TP53BP1: variants seen among roughly 807,000 people sequenced by gnomAD.
TP53BP1 encodes tumor protein p53 binding protein 1, also known as TP53-binding protein 1.
In TP53BP1, 61 loss-of-function variants were observed where a neutral mutation model predicts 200.8. The observed-to-expected ratio is 0.30, with a 90% confidence interval of 0.25 to 0.38. The LOEUF (loss-of-function observed/expected upper bound fraction) is 0.38. Among genes scored for constraint, TP53BP1 ranks in the 10% least tolerant of loss-of-function variants. TP53BP1 has a pLI of 1.00. For synonymous variants in TP53BP1, 822 were observed against 844.3 expected (o/e 0.97, Z 0.46); for missense variants, 2,144 against 2,371.9 (o/e 0.90, Z 2.00).
rs34555611 is a variant in TP53BP1, at chr15:43,453,193, C to CAAAAAA, written c.2716+2693_2716+2698dup. ...TGGGCGAAAAAGTGAGACTCCGTCT[C>CAAAAAA]AAAAAAAAAAAAAAAAAAAAAAAAA... On this transcript the variant is annotated intron_variant, in intron 12 of 27. Transcript: ENST00000382044. Among the ~76,000 whole-genome samples, 135 of 41,406 alleles carry CAAAAAA rather than the reference C, an allele frequency of 3.3e-3. 10 individuals carry two copies. Among genetic ancestry groups the CAAAAAA allele is most frequent in the African/African-American group, 0.012 (133 of 11,048 alleles). The allele number at this position is 41,406 out of a possible 152,430, so 27.2% of individuals were successfully genotyped here. A position where few individuals can be genotyped will look rare whatever the true frequency, so the allele number is the denominator to read the frequency against.
Position 43,409,100 on chromosome 15 carries a change from CAAGAA to C in TP53BP1, c.5401-9_5401-5del, listed in dbSNP as rs746714412. 1.2e-6 allele frequency: 2 copies of C among 1,614,018 alleles called. No homozygotes were observed. The highest frequency in any genetic ancestry group is 4.5e-5 in the East Asian group (2 of 44,878). On this transcript the variant is annotated splice_region_variant and splice_polypyrimidine_tract_variant and intron_variant, in intron 25 of 27. Coordinates refer to ENST00000382044, the MANE Select transcript of TP53BP1 (RefSeq NM_001141980.3). Reference sequence around the variant, plus strand: ...GACACTGGTAAGCTGTGTTACACTGCAAGAAAAGAAGCAGAGCCAATGGGTTTGGT... The same window carrying C: ...GACACTGGTAAGCTGTGTTACACTGCAAGAAGCAGAGCCAATGGGTTTGGT...
intron 23 of TP53BP1, 105 bp downstream of exon 23, chr15:43,415,489 C>T (rs749613745): frequency 8.1e-6 from 10 of 1,234,416 alleles, no homozygotes; most frequent in Non-Finnish European, 1.2e-5. Context: ...GACTTTATAG[C>T]AGGACAGAAG....
At position 43,493,131 on chromosome 15, in the gene TP53BP1, C is replaced by G. The variant is rs1026535530; in HGVS notation, c.-88G>C. The stretch of plus-strand genomic sequence containing the variant: ...ATCGATCCCTAGGTCGCCGCTGTCG[C>G]CACCGCCGCCACCGGCCGCGAACTC... On this transcript the variant is annotated 5_prime_UTR_variant, in exon 1 of 28. Coordinates refer to ENST00000382044, the MANE Select transcript of TP53BP1 (RefSeq NM_001141980.3). 4.2e-5 allele frequency: 67 copies of G among 1,582,710 alleles called. No homozygotes were observed. Among genetic ancestry groups the G allele is most frequent in the Non-Finnish European group, 5.7e-5 (67 of 1,169,338 alleles).
Position 43,404,635 on chromosome 15 carries a change from C to A in TP53BP1, c.*2748G>T. ...GTAGAATTCTAGAACTGGAAGAAGA[C>A]TTTAGTCCAAATACCCTCATTTTAT... On this transcript the variant is annotated 3_prime_UTR_variant, in exon 28 of 28. Transcript: ENST00000382044. 1 of 1,462,944 alleles carries A rather than the reference C, an allele frequency of 6.8e-7. No individual in the cohort carries two copies. Among genetic ancestry groups the A allele is most frequent in the Non-Finnish European group, 9.4e-7 (1 of 1,067,798 alleles). The allele number at this position is 1,462,944 out of a possible 1,614,324, so 90.6% of individuals were successfully genotyped here. A position where few individuals can be genotyped will look rare whatever the true frequency, so the allele number is the denominator to read the frequency against.
At chr15:43,408,285 C>G (rs1028030204) in intron 26 of TP53BP1, 197 bp from the exon 27 acceptor site, 2 of 552,748 alleles carry the variant, frequency 3.6e-6, no homozygotes, top group Non-Finnish European at 6.4e-6. Context: ...CGAGACCAGC[C>G]TGGGCAATGT....
intron 9 of TP53BP1, 81 bp downstream of exon 9, chr15:43,475,484 A>T (rs183667195): frequency 1.3e-6 from 2 of 1,505,720 alleles, no homozygotes; most frequent in East Asian, 4.5e-5. Context: ...AGACTAGCAG[A>T]TAAGTTTAGC....
chr15:43,504,252 A>C (rs1414455189), intron 1 of TP53BP1, among the ~76,000 whole-genome samples: 1 of 152,182 alleles, frequency 6.6e-6, no homozygotes, highest in Non-Finnish European at 1.5e-5. Context: ...GCCTCAAGTG[A>C]TCCTCCTGCT....
rs75853796 is a variant in TP53BP1, at chr15:43,424,106, A to G, written c.3829-1980T>C. 0.023 allele frequency among the ~76,000 whole-genome samples: 3,512 copies of G among 152,286 alleles called. 262 individuals carry two copies. The East Asian group carries it at 0.24, about 10-fold the overall frequency. On this transcript the variant is annotated intron_variant, in intron 18 of 27. Transcript: ENST00000382044. ...TCTTCCCTCCATTTCTCTGCCTTCA[A>G]TGAATAAATCCTAGATATCCCCAGT...
chr15:43,440,109 C>G (rs1044615409), intron 15 of TP53BP1, among the ~76,000 whole-genome samples: 1 of 152,138 alleles, frequency 6.6e-6, no homozygotes, highest in Non-Finnish European at 1.5e-5. Context: ...GTCCACAGGC[C>G]TCTTTTATTT....
In TP53BP1 at chr15:43,404,269, T is replaced by C. The variant is rs765298873; in HGVS notation, c.*3114A>G. On this transcript the variant is annotated 3_prime_UTR_variant, in exon 28 of 28. Coordinates refer to ENST00000382044, the MANE Select transcript of TP53BP1 (RefSeq NM_001141980.3). ...TGGTACAAGTCATTTTAGGAACTAA[T>C]AGAAATAGGAATGTGGGAAGGCCAG... 1.9e-5 allele frequency: 17 copies of C among 902,188 alleles called. No homozygotes were observed. Among genetic ancestry groups the C allele is most frequent in the African/African-American group, 8.4e-5 (5 of 59,560 alleles). The allele number at this position is 902,188 out of a possible 1,614,324, so 55.9% of individuals were successfully genotyped here.
chr15:43,495,881 A>G (rs2079180451), upstream of TP53BP1, among the ~76,000 whole-genome samples: 2 of 152,142 alleles, frequency 1.3e-5, no homozygotes, highest in Non-Finnish European at 2.9e-5. Context: ...TGAGTGAGCC[A>G]TTTGCATTAC....
At chr15:43,415,165 C>CA (rs1165880622) in intron 23 of TP53BP1, 1 of 255,444 alleles carries the variant, frequency 3.9e-6, no homozygotes, top group East Asian at 1.0e-4. Context: ...AGAACCCACA[C>CA]AGTAGTCAAA....
intron 14 of TP53BP1, among the ~76,000 whole-genome samples, chr15:43,446,039 T>C (rs533256599): frequency 6.6e-6 from 1 of 152,322 alleles, no homozygotes; most frequent in South Asian, 2.1e-4. Flanking sequence ...CTCTTTATTC[T>C]AGCCCTACCA....
At chr15:43,434,839 T>C (rs2045753521) in intron 16 of TP53BP1, among the ~76,000 whole-genome samples, 1 of 152,214 alleles carries the variant, frequency 6.6e-6, no homozygotes, top group Admixed American at 6.5e-5. Flanking sequence ...AATACCTGAA[T>C]TGAATTTTAC....
intron 18 of TP53BP1, 106 bp from the exon 19 acceptor site, chr15:43,422,232 G>A: frequency 7.7e-7 from 1 of 1,303,184 alleles, no homozygotes; most frequent in Non-Finnish European, 1.1e-6. Flanking sequence ...AATTCAAAAA[G>A]GTGAGAATCA....
In TP53BP1 at chr15:43,404,423, G is replaced by A. The variant is rs751105275; in HGVS notation, c.*2960C>T. 11 of 1,613,972 alleles carry A rather than the reference G, an allele frequency of 6.8e-6. No individual in the cohort carries two copies. Among genetic ancestry groups the A allele is most frequent in the Non-Finnish European group, 7.6e-6 (9 of 1,179,990 alleles). Reference sequence around the variant, plus strand: ...TCCTTCTCTCTGCAGGGCTTTAGCCGCCAGTCTTCACTCCTGTTCAAGATT... The same window carrying A: ...TCCTTCTCTCTGCAGGGCTTTAGCCACCAGTCTTCACTCCTGTTCAAGATT... On this transcript the variant is annotated 3_prime_UTR_variant, in exon 28 of 28. Coordinates refer to ENST00000382044, the MANE Select transcript of TP53BP1 (RefSeq NM_001141980.3).
At chr15:43,489,603 T>C (rs2079093140) in intron 4 of TP53BP1, among the ~76,000 whole-genome samples, 1 of 152,220 alleles carries the variant, frequency 6.6e-6, no homozygotes, top group Non-Finnish European at 1.5e-5. Flanking sequence ...TGGCAAATCA[T>C]AGCACTAATG....
chr15:43,467,863 A>G (rs559499731), intron 11 of TP53BP1, among the ~76,000 whole-genome samples: 1 of 151,624 alleles, frequency 6.6e-6, no homozygotes, highest in African/African-American at 2.4e-5. Flanking sequence ...AGCTCACTGT[A>G]ACCTCTGCCT....
intron 10 of TP53BP1, 152 bp downstream of exon 10, chr15:43,474,521 T>A (rs1329391995): frequency 1.3e-5 from 6 of 477,622 alleles, no homozygotes; most frequent in African/African-American, 1.2e-4. Context: ...TTACAGTAGG[T>A]CACATCCCTA....
Sources: gnomAD v4.1 joint callset for allele counts (sites outside exome capture counted in the v4.1 genomes callset) on GRCh38, gnomAD v4.1.1 for gene constraint, MANE v1.5 for transcripts, NCBI Gene and HGNC (gene_info 2026-07-23, HGNC 2026-07-21) for gene names.